Variants in BYSL observed in about 807,000 individuals in gnomAD.
BYSL encodes bystin like, also known as bystin.
BYSL carries 21 observed loss-of-function variants against 45.4 expected under a neutral mutation model. That is an observed-to-expected ratio of 0.46 (90% CI 0.33 to 0.67). BYSL has a LOEUF of 0.67. Among genes scored for constraint, BYSL ranks in the 30% least tolerant of loss-of-function variants. BYSL has a pLI of 0.02. For missense variants in BYSL, 522 were observed against 578.5 expected (o/e 0.90, Z 1.00); for synonymous variants, 215 against 231.3 (o/e 0.93, Z 0.64).
At chr6:41,915,173 C>G in the BYSL span, among the ~76,000 whole-genome samples, 3 of 152,168 alleles carry the variant, frequency 2.0e-5, no homozygotes, top group African/African-American at 4.8e-5. Flanking sequence ...GTGGCTCATG[C>G]CTGTCATCTC....
At chr6:41,924,491 T>C (rs1045220332) in intron 1 of BYSL, among the ~76,000 whole-genome samples, 1 of 152,242 alleles carries the variant, frequency 6.6e-6, no homozygotes, top group African/African-American at 2.4e-5. Flanking sequence ...CCAATTAGAA[T>C]GTAAGCTGTA....
chr6:41,910,444 C>T, the BYSL span, among the ~76,000 whole-genome samples: 1 of 151,446 alleles, frequency 6.6e-6, no homozygotes, highest in African/African-American at 2.4e-5. Context: ...CCGGCCTGAT[C>T]AACATGGTGA....
At position 41,930,277 on chromosome 6, in the gene BYSL, G is replaced by T; in HGVS notation, c.570+7G>T. The T allele has an allele frequency of 1.9e-6, 3 of 1,612,714 alleles. No homozygotes were observed. Among genetic ancestry groups the T allele is most frequent in the Non-Finnish European group, 2.5e-6 (3 of 1,179,050 alleles). Reference sequence around the variant, plus strand: ...GTACAGGGGGGTCCGGGAGGTAAGAGCTGAGAGGGGAGCCATGGTGGAAGA... The same window carrying T: ...GTACAGGGGGGTCCGGGAGGTAAGATCTGAGAGGGGAGCCATGGTGGAAGA... On this transcript the variant is annotated splice_region_variant and intron_variant, in intron 3 of 6. Coordinates refer to ENST00000230340, the MANE Select transcript of BYSL (RefSeq NM_004053.4).
Position 41,932,397 on chromosome 6 carries a change from C to T in BYSL, c.1005C>T (p.Ser335=), listed in dbSNP as rs749149801. ...AMLKIAEMEY[S]GANSIFLRLL... ...TGAAAATTGCTGAGATGGAATACAG[C>T]GGTGCCAACAGCATCTTCCTGCGAC... Residue 335 remains serine (S), a synonymous_variant, in exon 7 of 7, where the codon AGC becomes AGT. Transcript: ENST00000230340. The surrounding 1 kb of genome is among the most constrained non-coding windows in gnomAD (Gnocchi z 4.7). 45 of 1,613,200 alleles carry T rather than the reference C, an allele frequency of 2.8e-5. No individual in the cohort carries two copies. The highest frequency in any genetic ancestry group is 3.3e-5 in the Non-Finnish European group (39 of 1,180,000).
At chr6:41,917,911 A>C (rs1239007137), upstream of BYSL, 1 of 381,734 alleles carries the variant, frequency 2.6e-6, no homozygotes. Context: ...GTGCTATTCA[A>C]CAGCCCTAGG....
At chr6:41,929,362 G>A (rs1296473159) in intron 2 of BYSL, among the ~76,000 whole-genome samples, 6 of 152,178 alleles carry the variant, frequency 3.9e-5, no homozygotes, top group African/African-American at 1.4e-4. Context: ...GCTGGGCCTT[G>A]TACTATGTTC....
Position 41,929,986 on chromosome 6 carries a change from G to C in BYSL, c.432-146G>C. On this transcript the variant is annotated intron_variant, in intron 2 of 6. Transcript: ENST00000230340. ...TGTCTGTGGTGGATGAATGGGCACA[G>C]AGAGAGAACTCTAAGCTGCATATCC... The C allele has an allele frequency of 2.8e-6, 3 of 1,060,426 alleles. No homozygotes were observed. In the South Asian group the frequency reaches 4.7e-5, roughly 16 times the overall value. 65.7% of individuals were successfully genotyped at this position (1,060,426 alleles called of 1,614,324 possible). A position where few individuals can be genotyped will look rare whatever the true frequency, so the allele number is the denominator to read the frequency against.
chr6:41,911,766 C>T, the BYSL span, among the ~76,000 whole-genome samples: 2 of 152,140 alleles, frequency 1.3e-5, no homozygotes, highest in Non-Finnish European at 2.9e-5. Context: ...TGCACAGATC[C>T]TCCAGGCCAC....
chr6:41,923,542 C>T (rs1178624061), intron 1 of BYSL, among the ~76,000 whole-genome samples: 3 of 152,130 alleles, frequency 2.0e-5, no homozygotes, highest in Non-Finnish European at 2.9e-5. Flanking sequence ...GGTCATCGTC[C>T]ACCTCTGCCT....
rs774700577 is a variant in BYSL, at chr6:41,932,638, G to A, written c.1246G>A (p.Glu416Lys). ...GCAGCCCCATCCACAGCTATCGCCCGAAATCAGGCGTGAGCTTCAGAGTGC... is the reference window on the plus strand; with the variant it reads ...GCAGCCCCATCCACAGCTATCGCCCAAAATCAGGCGTGAGCTTCAGAGTGC... The part of the protein sequence containing the change: ...RLQPHPQLSP[E>K]IRRELQSAVP... The change falls in exon 7 of 7, where the codon GAA (glutamate) becomes AAA (lysine). Residue 416 changes from glutamate to lysine, a missense_variant. Coordinates refer to ENST00000230340, the MANE Select transcript of BYSL (RefSeq NM_004053.4). This position sits in a 1 kb window ranked among gnomAD's most constrained non-coding sequence, Gnocchi z 4.7. The A allele has an allele frequency of 9.3e-6, 15 of 1,614,096 alleles. No homozygotes were observed. Among genetic ancestry groups the A allele is most frequent in the South Asian group, 3.3e-5 (3 of 91,094 alleles).
At chr6:41,914,922 T>C in the BYSL span, among the ~76,000 whole-genome samples, 1 of 152,144 alleles carries the variant, frequency 6.6e-6, no homozygotes, top group Non-Finnish European at 1.5e-5. Context: ...AAACAAAGAC[T>C]TCTGGGCCTA....
chr6:41,929,006 T>C (rs903679517), intron 2 of BYSL, among the ~76,000 whole-genome samples: 2 of 152,150 alleles, frequency 1.3e-5, no homozygotes, highest in African/African-American at 4.8e-5. Flanking sequence ...TGATCTCAGC[T>C]CACTGCAACC....
At chr6:41,925,220 T>G (rs185574184) in intron 1 of BYSL, among the ~76,000 whole-genome samples, 59 of 152,322 alleles carry the variant, frequency 3.9e-4, no homozygotes, top group African/African-American at 1.4e-3. Flanking sequence ...CCCCCTTATT[T>G]AGTGTTTATC....
At position 41,931,572 on chromosome 6, in the gene BYSL, C is replaced by T; in HGVS notation, c.865+16C>T. The T allele has an allele frequency of 6.2e-7, 1 of 1,614,138 alleles. No individual in the cohort carries two copies. The highest frequency in any genetic ancestry group is 1.1e-5 in the South Asian group (1 of 91,078). ...TGGTTCAAAGGTGGGATCCCAGAGG[C>T]ACGGAAGAAAGGGAAGGGCTGGAGC... On this transcript the variant is annotated intron_variant, in intron 5 of 6. Coordinates refer to ENST00000230340, the MANE Select transcript of BYSL (RefSeq NM_004053.4).
At chr6:41,913,206 G>C in the BYSL span, 3 of 152,068 alleles carry the variant, frequency 2.0e-5, no homozygotes, top group African/African-American at 7.2e-5. Context: ...AGCAATCTGT[G>C]TGGTAACAAG....
the BYSL span, among the ~76,000 whole-genome samples, chr6:41,911,180 T>C: frequency 1.3e-5 from 2 of 148,966 alleles, no homozygotes; most frequent in African/African-American, 5.0e-5. Context: ...AGACAGAGTC[T>C]CACTCTGTCG....
intron 2 of BYSL, 146 bp from the exon 3 acceptor site, chr6:41,929,984 CAG>C: frequency 2.9e-6 from 3 of 1,041,468 alleles, no homozygotes; most frequent in Non-Finnish European, 4.2e-6. Flanking sequence ...TGAATGGGCA[CAG>C]AGAGAGAACT....
intron 1 of BYSL, among the ~76,000 whole-genome samples, chr6:41,924,545 C>T (rs1210024471): frequency 6.6e-6 from 1 of 152,186 alleles, no homozygotes; most frequent in African/African-American, 2.4e-5. Context: ...GATATATTGC[C>T]AGCACCCCGA....
chr6:41,932,653 C>T lies in BYSL; in HGVS notation c.1261C>T (p.Leu421Phe), dbSNP rs1252641344. Residue 421 changes from leucine (L) to phenylalanine (F), a missense_variant, in exon 7 of 7, where the codon CTT (leucine) becomes TTT (phenylalanine). By Grantham distance (22) the Leu-to-Phe change is conservative. Coordinates refer to ENST00000230340, the MANE Select transcript of BYSL (RefSeq NM_004053.4). The surrounding 1 kb of genome is among the most constrained non-coding windows in gnomAD (Gnocchi z 4.7). ...GCTATCGCCCGAAATCAGGCGTGAG[C>T]TTCAGAGTGCAGTCCCCCGCGATGT... ...PQLSPEIRRE[L>F]QSAVPRDVED... 3 of 1,614,214 alleles carry T rather than the reference C, an allele frequency of 1.9e-6. No homozygotes were observed. The highest frequency in any genetic ancestry group is 3.3e-5 in the Admixed American group (2 of 60,024).
Sources: allele counts gnomAD v4.1 joint callset (sites outside exome capture counted in the v4.1 genomes callset), GRCh38; gene constraint gnomAD v4.1.1; non-coding constraint Gnocchi (gnomAD v3.1); transcripts MANE v1.5; gene names NCBI Gene and HGNC (gene_info 2026-07-23, HGNC 2026-07-21).